The following MICAL3 variants were observed in gnomAD, a reference collection of about 807,000 sequenced individuals.
MICAL3 encodes [F-actin]-monooxygenase MICAL3.
MICAL3 carries 62 observed loss-of-function variants against 207.4 expected under a neutral mutation model. The observed-to-expected ratio is 0.30, with a 90% CI of 0.24 to 0.37. The LOEUF (loss-of-function observed/expected upper bound fraction) is 0.37, where lower values mean the gene tolerates loss of function less well. Among genes scored for constraint, MICAL3 ranks in the 10% least tolerant of loss-of-function variants. The pLI is 1.00. For missense variants in MICAL3, 2,368 were observed against 2,635.6 expected (o/e 0.90, Z 2.22); for synonymous variants, 1,077 against 1,069.3 (o/e 1.01, Z -0.14).
chr22:17,910,280 G>A (rs993369044), intron 1 of MICAL3, among the ~76,000 whole-genome samples: 6 of 152,034 alleles, frequency 3.9e-5, no homozygotes, highest in Non-Finnish European at 5.9e-5. Flanking sequence ...GAGTTCTTAC[G>A]TGTGAGCTAA....
chr22:18,009,135 C>A (rs1250333581), intron 1 of MICAL3, among the ~76,000 whole-genome samples: 1 of 139,818 alleles, frequency 7.2e-6, no homozygotes, highest in Non-Finnish European at 1.5e-5. Context: ...CAAGGCACTG[C>A]AAAATAAAGT....
chr22:18,001,713 G>A lies in MICAL3; in HGVS notation c.-75+22568C>T, dbSNP rs573728311. On this transcript the variant is annotated intron_variant, in intron 1 of 31. Transcript: ENST00000441493. The stretch of plus-strand genomic sequence containing the variant: ...GCAAAAGGCAAAGAAATAAGCTGTC[G>A]CCACGCCCTTCGTCCTCTCCGTCCC... Among the ~76,000 whole-genome samples the A allele has an allele frequency of 1.2e-4, 19 of 152,338 alleles. 1 individual carries two copies. Among genetic ancestry groups the A allele is most frequent in the South Asian group, 1.2e-3 (6 of 4,834 alleles).
Position 17,860,206 on chromosome 22 carries a change from A to T in MICAL3, c.2605+4693T>A, listed in dbSNP as rs897972479. On this transcript the variant is annotated intron_variant, in intron 19 of 31. Transcript: ENST00000441493. ...CTTAAATAAGAATGTAACATTTGTTAAAAAAAAAATTAAAAGCACGACAAC... is the reference window on the plus strand; with the variant it reads ...CTTAAATAAGAATGTAACATTTGTTTAAAAAAAAATTAAAAGCACGACAAC... 7 of 891,582 alleles carry T rather than the reference A, an allele frequency of 7.9e-6. No homozygotes were observed. The African/African-American group carries it at 9.7e-5, about 12-fold the overall frequency. 55.2% of individuals were successfully genotyped at this position (891,582 alleles called of 1,614,324 possible).
At chr22:17,896,476 A>G (rs1410826488) in intron 8 of MICAL3, 115 bp from the exon 9 acceptor site, 1 of 771,458 alleles carries the variant, frequency 1.3e-6, no homozygotes, top group African/African-American at 1.8e-5. Context: ...AACTGTTTCA[A>G]TAACAAATTG....
chr22:17,816,692 C>G lies in MICAL3; in HGVS notation c.5443G>C (p.Glu1815Gln), dbSNP rs1463740925. Residue 1815 changes from glutamate (E) to glutamine (Q), a missense_variant and splice_region_variant, in exon 27 of 32, where the codon GAG becomes CAG. Around this residue, in one of 4 missense-constraint regions of MICAL3, gnomAD observed 1,770 missense variants for 1,863.2 expected, o/e 0.95. Transcript: ENST00000441493. ...AAGCCCCCTGCCTGACTACCCACCT[C>G]TCGCCGGGACTTCTGTGAGGACTTC... is the stretch of plus-strand genomic sequence containing the variant. ...LEKSSQKSRREPRTYTEEELN... is the reference protein window; with the variant it reads ...LEKSSQKSRRQPRTYTEEELN... 6.4e-7 allele frequency: 1 copy of G among 1,552,316 alleles called. No individual in the cohort carries two copies. Among genetic ancestry groups the G allele is most frequent in the East Asian group, 2.4e-5 (1 of 41,014 alleles).
intron 1 of MICAL3, among the ~76,000 whole-genome samples, chr22:17,946,371 A>G (rs1934067135): frequency 6.6e-6 from 1 of 152,186 alleles, no homozygotes; most frequent in Non-Finnish European, 1.5e-5. Context: ...CAACCAGGAC[A>G]CCGCCTGTGT....
rs766921230 is a variant in MICAL3, at chr22:17,818,650, G to C, written c.4011C>G (p.Ser1337Arg). Residue 1337 changes from serine (S) to arginine (R), a missense_variant, in exon 26 of 32, where the codon AGC (serine) becomes AGG (arginine). Physicochemically the swap from Ser to Arg is moderately radical, Grantham distance 110. Around this residue, in one of 4 missense-constraint regions of MICAL3, gnomAD observed 1,770 missense variants for 1,863.2 expected, o/e 0.95. Coordinates refer to ENST00000441493, the MANE Select transcript of MICAL3 (RefSeq NM_015241.3). ...FWMKSAEIRR[S>R]LGLTPVDRSK... is the part of the protein sequence containing the mutation. Reference sequence around the variant, plus strand: ...TGCGGTCCACAGGTGTGAGCCCGAGGCTGCGGCGGATCTCCGCACTCTTCA... The same window carrying C: ...TGCGGTCCACAGGTGTGAGCCCGAGCCTGCGGCGGATCTCCGCACTCTTCA... 3 of 1,613,660 alleles carry C rather than the reference G, an allele frequency of 1.9e-6. No individual in the cohort carries two copies. Among genetic ancestry groups the C allele is most frequent in the Non-Finnish European group, 1.7e-6 (2 of 1,179,896 alleles).
At chr22:17,801,062 T>C (rs1416309019) in intron 29 of MICAL3, among the ~76,000 whole-genome samples, 1 of 152,008 alleles carries the variant, frequency 6.6e-6, no homozygotes, top group Non-Finnish European at 1.5e-5. Context: ...GGGGAAGTGA[T>C]GAGCTGATGA....
chr22:17,967,845 G>A lies in MICAL3; in HGVS notation c.-75+56436C>T, dbSNP rs376572814. Among the ~76,000 whole-genome samples the A allele has an allele frequency of 1.1e-4, 16 of 150,116 alleles. No homozygotes were observed. In the East Asian group the frequency reaches 3.0e-3, roughly 28 times the overall value. ...GCAGATCACTAGGTCAGGAGTTCGA[G>A]ACCAGCCTGACCAACATGGTGAAAC... is the stretch of plus-strand genomic sequence containing the variant. On this transcript the variant is annotated intron_variant, in intron 1 of 31. Transcript: ENST00000441493.
chr22:17,818,532 G>T lies in MICAL3; in HGVS notation c.4129C>A (p.Leu1377Ile). 1 of 1,613,458 alleles carries T rather than the reference G, an allele frequency of 6.2e-7. No homozygotes were observed. Among genetic ancestry groups the T allele is most frequent in the Non-Finnish European group, 8.5e-7 (1 of 1,179,876 alleles). Reference sequence around the variant, plus strand: ...ATGGACAGAGGCTTGAGAAGGTGGAGTCCCTCATCCTGGGGGGACTTTTCA... The same window carrying T: ...ATGGACAGAGGCTTGAGAAGGTGGATTCCCTCATCCTGGGGGGACTTTTCA... ...SVEKSPQDEG[L>I]HLLKPLSIPK... Residue 1377 changes from leucine (L) to isoleucine (I), a missense_variant, in exon 26 of 32, where the codon CTC becomes ATC. Coordinates refer to ENST00000441493, the MANE Select transcript of MICAL3 (RefSeq NM_015241.3).
intron 1 of MICAL3, among the ~76,000 whole-genome samples, chr22:17,988,629 G>C (rs188914878): frequency 9.5e-4 from 144 of 151,956 alleles, no homozygotes; most frequent in African/African-American, 3.1e-3. Flanking sequence ...TAATTTTTTT[G>C]TATTTTTAGT....
intron 25 of MICAL3, among the ~76,000 whole-genome samples, chr22:17,820,861 A>AATATTTTAATAAATTTATATTTATAAAC (rs1921517174): frequency 1.5e-5 from 2 of 129,548 alleles, no homozygotes. Context: ...AATTTGTTCT[A>AATATTTTAATAAATTTATATTTATAAAC]ATAAATTTTA....
Position 17,796,789 on chromosome 22 carries a change from G to A in MICAL3, c.5651-5488C>T, listed in dbSNP as rs79275397. Among the ~76,000 whole-genome samples the A allele has an allele frequency of 2.0e-5, 3 of 152,152 alleles. No homozygotes were observed. Among genetic ancestry groups the A allele is most frequent in the Non-Finnish European group, 4.4e-5 (3 of 68,024 alleles). On this transcript the variant is annotated intron_variant, in intron 29 of 31. Coordinates refer to ENST00000441493, the MANE Select transcript of MICAL3 (RefSeq NM_015241.3). This position sits in a 1 kb window ranked among gnomAD's most constrained non-coding sequence, Gnocchi z 4.4. The stretch of plus-strand genomic sequence containing the variant: ...CAGTGAAGGCAGGACCTGAATCCAG[G>A]CCTGGCCTTCCTAAGTCGGGGTACC...
intron 20 of MICAL3, chr22:17,834,492 G>A (rs1367890575): frequency 1.6e-6 from 2 of 1,260,314 alleles, no homozygotes; most frequent in African/African-American, 3.1e-5. Flanking sequence ...GAGGTGGGTG[G>A]ATCATTTGAG....
rs766652854 is a variant in MICAL3 at position 17,791,026 on chromosome 22, C to T, written c.5796G>A (p.Gln1932=). ...ELEDRQSRLQ[Q]ELRERMAVED... Reference sequence around the variant, plus strand: ...CCACTGCCATGCGTTCCCGGAGCTCCTGCTGCAGTCGACTCTGCCGGTCTT... The same window carrying T: ...CCACTGCCATGCGTTCCCGGAGCTCTTGCTGCAGTCGACTCTGCCGGTCTT... Residue 1932 remains glutamine (Q), a synonymous_variant, in exon 31 of 32, where the codon CAG becomes CAA. Transcript: ENST00000441493. 1 of 1,612,370 alleles carries T rather than the reference C, an allele frequency of 6.2e-7. No homozygotes were observed. Among genetic ancestry groups the T allele is most frequent in the Admixed American group, 1.7e-5 (1 of 59,998 alleles).
intron 1 of MICAL3, among the ~76,000 whole-genome samples, chr22:17,994,133 C>T (rs1922007378): frequency 6.6e-6 from 1 of 152,176 alleles, no homozygotes; most frequent in Non-Finnish European, 1.5e-5. Flanking sequence ...CTCATCAGCG[C>T]CAGGTGCTGC....
At chr22:17,979,590 C>T (rs1043952853) in intron 1 of MICAL3, among the ~76,000 whole-genome samples, 1 of 152,038 alleles carries the variant, frequency 6.6e-6, no homozygotes, top group Non-Finnish European at 1.5e-5. Context: ...GATGTTGAGT[C>T]TTTTTACCAA....
At chr22:17,846,993 G>C (rs1199413744) in intron 19 of MICAL3, among the ~76,000 whole-genome samples, 2 of 152,228 alleles carry the variant, frequency 1.3e-5, no homozygotes, top group Non-Finnish European at 2.9e-5. Flanking sequence ...TCTCCTAACA[G>C]GACAACCTGC....
At chr22:17,819,942 CAAAAAAAAAAAA>C (rs58418733) in intron 25 of MICAL3, among the ~76,000 whole-genome samples, 1,836 of 67,640 alleles carry the variant, frequency 0.027, 57 homozygotes, top group African/African-American at 0.095. Context: ...GACTCCATCT[CAAAAAAAAAAAA>C]AAAAAAAAAA....
Sources: gnomAD v4.1 joint callset for allele counts (sites outside exome capture counted in the v4.1 genomes callset) on GRCh38, gnomAD v4.1.1 for gene constraint, gnomAD v4.1.1 regional missense constraint, Gnocchi (gnomAD v3.1) non-coding constraint, MANE v1.5 for transcripts, NCBI Gene and HGNC (gene_info 2026-07-23, HGNC 2026-07-21) for gene names.